The following INPP4B variants were observed in gnomAD, a reference collection of about 807,000 sequenced individuals.
INPP4B encodes inositol polyphosphate 4-phosphatase type II.
INPP4B carries 55 observed loss-of-function variants against 122.5 expected under a neutral mutation model. The observed-to-expected ratio is 0.45, with a 90% CI of 0.36 to 0.56. INPP4B has a LOEUF of 0.56. Among genes scored for constraint, INPP4B ranks in the 20% least tolerant of loss-of-function variants. The probability of loss-of-function intolerance (pLI) is 0.00; values close to 1 mark genes in which losing one functional copy is unlikely to be tolerated. For synonymous variants in INPP4B, 403 were observed against 388.7 expected, an observed-to-expected ratio of 1.04 and a Z score of -0.43; for missense variants, 1,000 against 1,097.7, an observed-to-expected ratio of 0.91 and a Z score of 1.26.
chr4:142,611,522 A>G (rs1332361153), intron 2 of INPP4B, among the ~76,000 whole-genome samples: 2 of 152,098 alleles, frequency 1.3e-5, no homozygotes, highest in Admixed American at 6.6e-5. Context: ...TAACATTAAA[A>G]TACATATATC....
intron 25 of INPP4B, among the ~76,000 whole-genome samples, chr4:142,047,136 CAAG>C (rs1461050919): frequency 6.6e-6 from 1 of 152,096 alleles, no homozygotes; most frequent in African/African-American, 2.4e-5. Context: ...TGTTGTTTGT[CAAG>C]AAGATGGCTA....
At chr4:142,447,119 G>A (rs188876247) in intron 3 of INPP4B, among the ~76,000 whole-genome samples, 3 of 152,302 alleles carry the variant, frequency 2.0e-5, no homozygotes, top group Non-Finnish European at 4.4e-5. Flanking sequence ...AGTGCGGTAG[G>A]AGCAGAGTTT....
chr4:142,557,950 A>C (rs1357154497), intron 2 of INPP4B, among the ~76,000 whole-genome samples: 6 of 152,288 alleles, frequency 3.9e-5, no homozygotes, highest in African/African-American at 1.4e-4. Flanking sequence ...GTTCAACGAC[A>C]AAGTCAATCC....
intron 14 of INPP4B, among the ~76,000 whole-genome samples, chr4:142,206,830 C>A (rs1842783323): frequency 1.3e-5 from 2 of 151,994 alleles, no homozygotes; most frequent in South Asian, 4.2e-4. Flanking sequence ...GATCTACCCC[C>A]TCAGCAATTT....
At chr4:142,071,245 C>G (rs1445318343) in intron 25 of INPP4B, among the ~76,000 whole-genome samples, 9 of 152,150 alleles carry the variant, frequency 5.9e-5, no homozygotes, top group Non-Finnish European at 1.3e-4. Flanking sequence ...AAAGGATTCC[C>G]TATTTAATAA....
At chr4:142,371,062 C>T (rs1789706780) in intron 7 of INPP4B, among the ~76,000 whole-genome samples, 1 of 152,104 alleles carries the variant, frequency 6.6e-6, no homozygotes, top group African/African-American at 2.4e-5. Flanking sequence ...ACCAAAACAG[C>T]ATGGTATTGG....
At chr4:142,184,819 A>T (rs1184787222) in intron 15 of INPP4B, among the ~76,000 whole-genome samples, 1 of 152,074 alleles carries the variant, frequency 6.6e-6, no homozygotes, top group Admixed American at 6.6e-5. Flanking sequence ...GGTAGAGGGG[A>T]GGGAAAGATG....
chr4:142,584,522 G>C (rs1290314788), intron 2 of INPP4B, among the ~76,000 whole-genome samples: 4 of 151,988 alleles, frequency 2.6e-5, no homozygotes, highest in South Asian at 2.1e-4. Flanking sequence ...TTATTTTGTA[G>C]AGTGTCTCTC....
chr4:142,553,942 G>A (rs1371326127), intron 2 of INPP4B, among the ~76,000 whole-genome samples: 1 of 152,094 alleles, frequency 6.6e-6, no homozygotes, highest in Non-Finnish European at 1.5e-5. Flanking sequence ...TGTAATCCCA[G>A]CACTTTGGGA....
intron 1 of INPP4B, among the ~76,000 whole-genome samples, chr4:142,775,894 T>A (rs1773834015): frequency 6.6e-6 from 1 of 152,046 alleles, no homozygotes; most frequent in South Asian, 2.1e-4. Flanking sequence ...TTGGTAAGAG[T>A]TTTTATGATA....
chr4:142,111,438 C>T (rs1789994214), intron 22 of INPP4B, among the ~76,000 whole-genome samples: 1 of 151,982 alleles, frequency 6.6e-6, no homozygotes, highest in African/African-American at 2.4e-5. Flanking sequence ...CCTCTGCCTC[C>T]CCAGTTCAAG....
At chr4:142,195,950 C>A (rs1020944563) in intron 14 of INPP4B, among the ~76,000 whole-genome samples, 1 of 152,144 alleles carries the variant, frequency 6.6e-6, no homozygotes, top group Non-Finnish European at 1.5e-5. Context: ...TTAGCATCCT[C>A]CAAAGCTACT....
rs1275444784 is a variant in INPP4B, at chr4:142,025,892, G to C, written c.*2890C>G. 1 of 152,110 alleles carries C rather than the reference G, an allele frequency of 6.6e-6. No homozygotes were observed. The highest frequency in any genetic ancestry group is 2.4e-5 in the African/African-American group (1 of 41,420). 9.4% of individuals were successfully genotyped at this position (152,110 alleles called of 1,614,324 possible). On this transcript the variant is annotated 3_prime_UTR_variant, in exon 26 of 26. Transcript: ENST00000262992. ...AAACTTATGTTCAGGGATTGTTTTG[G>C]CAGAGTGTAGACAAACCTCAAGGCG... is the stretch of plus-strand genomic sequence containing the variant.
At chr4:142,641,857 T>C (rs1285826018) in intron 2 of INPP4B, among the ~76,000 whole-genome samples, 5 of 152,202 alleles carry the variant, frequency 3.3e-5, no homozygotes, top group Non-Finnish European at 7.3e-5. Flanking sequence ...ACTTCCACAA[T>C]GGTTGAACTA....
intron 25 of INPP4B, among the ~76,000 whole-genome samples, chr4:142,033,956 T>C (rs1210991189): frequency 1.3e-5 from 2 of 152,136 alleles, no homozygotes. Context: ...CATGAGCCAC[T>C]GTGCCTGGCC....
chr4:142,412,310 G>A (rs1263709317), intron 5 of INPP4B, among the ~76,000 whole-genome samples: 1 of 152,026 alleles, frequency 6.6e-6, no homozygotes, highest in Admixed American at 6.6e-5. Context: ...AGTATAATAT[G>A]CTTTTCTATT....
intron 1 of INPP4B, among the ~76,000 whole-genome samples, chr4:142,798,049 T>C (rs989388491): frequency 9.9e-5 from 15 of 151,880 alleles, no homozygotes; most frequent in Admixed American, 4.6e-4. Flanking sequence ...GGAGCATCAA[T>C]AGAAAAATCT....
At chr4:142,624,937 C>T (rs1332306526) in intron 2 of INPP4B, among the ~76,000 whole-genome samples, 1 of 151,954 alleles carries the variant, frequency 6.6e-6, no homozygotes, top group Non-Finnish European at 1.5e-5. Context: ...AACAACGCTT[C>T]ATGCTAAAAA....
intron 2 of INPP4B, among the ~76,000 whole-genome samples, chr4:142,486,165 A>G (rs1371359391): frequency 6.6e-6 from 1 of 152,204 alleles, no homozygotes; most frequent in African/African-American, 2.4e-5. Flanking sequence ...TGGAATTTAT[A>G]TGAAAAGAAA....
Sources: allele counts gnomAD v4.1 joint callset (sites outside exome capture counted in the v4.1 genomes callset), GRCh38; gene constraint gnomAD v4.1.1; transcripts MANE v1.5; gene names NCBI Gene and HGNC (gene_info 2026-07-23, HGNC 2026-07-21).